Variants in SOX5 observed in about 807,000 individuals in gnomAD.
SOX5 encodes transcription factor SOX-5.
In SOX5, 9 loss-of-function variants were observed where a neutral mutation model predicts 92.0. The ratio of observed to expected loss-of-function variants is 0.10; its 90% CI spans 0.06 to 0.17. SOX5 has a LOEUF of 0.17. Ranked by LOEUF, SOX5 falls within the 10% of genes least tolerant of loss-of-function variation. SOX5 has a pLI of 1.00. For missense variants in SOX5, 642 were observed against 944.5 expected (o/e 0.68, Z 4.20); for synonymous variants, 344 against 336.3 (o/e 1.02, Z -0.25).
At chr12:24,211,719 TA>T (rs1958634749) in intron 4 of SOX5, among the ~76,000 whole-genome samples, 1 of 152,224 alleles carries the variant, frequency 6.6e-6, no homozygotes, top group Non-Finnish European at 1.5e-5. Flanking sequence ...GTTCTGTTAC[TA>T]ATGTTCCATG....
intron 1 of SOX5, among the ~76,000 whole-genome samples, chr12:23,933,220 C>G (rs370262775): frequency 6.6e-6 from 1 of 151,648 alleles, no homozygotes; most frequent in Admixed American, 6.6e-5. Flanking sequence ...CTCAAGCCAT[C>G]CTGCTCCAGC....
chr12:24,053,395 G>T (rs1342758142), intron 4 of SOX5, among the ~76,000 whole-genome samples: 3 of 152,014 alleles, frequency 2.0e-5, no homozygotes, highest in African/African-American at 4.8e-5. Flanking sequence ...CTCCCAAAGT[G>T]CTGTGATTAT....
rs12311706 is a variant in SOX5, at chr12:24,194,616, A to C, written c.-2+18727T>G. 5.6e-3 allele frequency among the ~76,000 whole-genome samples: 846 copies of C among 152,212 alleles called. 7 individuals carry two copies. Among genetic ancestry groups the C allele is most frequent in the African/African-American group, 0.019 (780 of 41,546 alleles). On this transcript the variant is annotated intron_variant, in intron 4 of 4. Transcript: ENST00000446891. Reference sequence around the variant, plus strand: ...TTTACTAAAACATTAGAAGTCATAAAATGTTAGTCCATGAGCTTTTCAATG... The same window carrying C: ...TTTACTAAAACATTAGAAGTCATAACATGTTAGTCCATGAGCTTTTCAATG...
At chr12:23,570,928 AAAATATATATATATATAT>A (rs1948184663) in intron 10 of SOX5, among the ~76,000 whole-genome samples, 1 of 23,194 alleles carries the variant, frequency 4.3e-5, no homozygotes, top group Non-Finnish European at 8.0e-5. Flanking sequence ...AAAAAAAAAA[AAAATATATATATATATAT>A]ATATATATAT....
At chr12:24,359,069 T>A (rs538763720) in intron 2 of SOX5, among the ~76,000 whole-genome samples, 6 of 152,340 alleles carry the variant, frequency 3.9e-5, no homozygotes, top group African/African-American at 1.4e-4. Context: ...ACTCCAACTA[T>A]TCCATGCTTA....
At chr12:24,001,732 G>A (rs1951629954) in intron 4 of SOX5, among the ~76,000 whole-genome samples, 1 of 152,186 alleles carries the variant, frequency 6.6e-6, no homozygotes, top group South Asian at 2.1e-4. Flanking sequence ...GTGTTTGTGT[G>A]AAGTAAATAA....
At chr12:24,446,216 T>C (rs1941450202) in intron 1 of SOX5, among the ~76,000 whole-genome samples, 1 of 152,008 alleles carries the variant, frequency 6.6e-6, no homozygotes, top group African/African-American at 2.4e-5. Context: ...TTAAGAAAAA[T>C]AATCATCCCA....
At chr12:23,940,387 G>A (rs985992087) in intron 1 of SOX5, among the ~76,000 whole-genome samples, 2 of 151,206 alleles carry the variant, frequency 1.3e-5, no homozygotes, top group African/African-American at 2.4e-5. Flanking sequence ...GTAAACTGAA[G>A]TGCTTCTATA....
chr12:23,960,003 A>T (rs1946709433), intron 4 of SOX5, among the ~76,000 whole-genome samples: 1 of 152,206 alleles, frequency 6.6e-6, no homozygotes, highest in Non-Finnish European at 1.5e-5. Context: ...CACTTGCTTT[A>T]GTCAATGCAG....
intron 1 of SOX5, among the ~76,000 whole-genome samples, chr12:24,484,489 A>G (rs1162129505): frequency 2.6e-5 from 4 of 152,202 alleles, no homozygotes; most frequent in Admixed American, 2.0e-4. Context: ...TCTAGGAAAC[A>G]ATAAATCACA....
chr12:24,050,474 G>A (rs887471732), intron 4 of SOX5, among the ~76,000 whole-genome samples: 2 of 152,044 alleles, frequency 1.3e-5, no homozygotes, highest in South Asian at 2.1e-4. Flanking sequence ...AAAAAACTAC[G>A]ATAGGCAAAG....
At chr12:24,213,920 A>G (rs1366354698) in intron 3 of SOX5, among the ~76,000 whole-genome samples, 1 of 151,844 alleles carries the variant, frequency 6.6e-6, no homozygotes, top group Non-Finnish European at 1.5e-5. Flanking sequence ...GACAATTACA[A>G]CCATTTTTTA....
chr12:23,937,099 C>A (rs977467800), intron 1 of SOX5, among the ~76,000 whole-genome samples: 2 of 150,964 alleles, frequency 1.3e-5, no homozygotes, highest in South Asian at 2.1e-4. Context: ...ACATATATAA[C>A]CTCAACAAAT....
chr12:23,865,260 C>T lies in SOX5; in HGVS notation c.271-19067G>A, dbSNP rs1399031349. ...CTCATTGACAACGCACCAAGTCACC[C>T]AGAAGCTCTGCTGGATATGTACAGG... On this transcript the variant is annotated intron_variant, in intron 2 of 14. Transcript: ENST00000451604. Among the ~76,000 whole-genome samples, 9 of 152,334 alleles carry T rather than the reference C, an allele frequency of 5.9e-5. No individual in the cohort carries two copies. In the East Asian group the frequency reaches 1.2e-3, roughly 20 times the overall value.
intron 1 of SOX5, among the ~76,000 whole-genome samples, chr12:23,911,683 T>C (rs2097353374): frequency 6.6e-6 from 1 of 152,120 alleles, no homozygotes; most frequent in Admixed American, 6.5e-5. Context: ...CTAGTACATA[T>C]TCATGAACTT....
intron 2 of SOX5, among the ~76,000 whole-genome samples, chr12:24,296,930 G>C (rs993099688): frequency 3.4e-5 from 5 of 148,088 alleles, no homozygotes; most frequent in African/African-American, 5.0e-5. Flanking sequence ...TAGACAGACA[G>C]ACACACACAC....
intron 1 of SOX5, among the ~76,000 whole-genome samples, chr12:24,509,776 C>G (rs1949134325): frequency 6.6e-6 from 1 of 152,140 alleles, no homozygotes; most frequent in Non-Finnish European, 1.5e-5. Flanking sequence ...CAGCCAGTAA[C>G]TAGAAAATTA....
chr12:24,299,145 T>A (rs1466652234), intron 2 of SOX5, among the ~76,000 whole-genome samples: 1 of 152,192 alleles, frequency 6.6e-6, no homozygotes, highest in Admixed American at 6.5e-5. Context: ...AGCTACAATG[T>A]TAACTCTTGC....
rs915379538 is a variant in SOX5, at chr12:23,549,911, A to G, written c.1489-3487T>C. Among the ~76,000 whole-genome samples, 8 of 151,996 alleles carry G rather than the reference A, an allele frequency of 5.3e-5. No individual in the cohort carries two copies. The East Asian group carries it at 9.6e-4, about 18-fold the overall frequency. ...GATCGAAGTGAATTGTATCTCATCG[A>G]CAGAAGACAGTTGTAGACCACATGG... On this transcript the variant is annotated intron_variant, in intron 11 of 14. Transcript: ENST00000451604.
Sources: gnomAD v4.1 joint callset for allele counts (sites outside exome capture counted in the v4.1 genomes callset) on GRCh38, gnomAD v4.1.1 for gene constraint, MANE v1.5 for transcripts, NCBI Gene and HGNC (gene_info 2026-07-23, HGNC 2026-07-21) for gene names.